ADGRL3: variants seen among roughly 807,000 people sequenced by gnomAD.
ADGRL3 encodes adhesion G protein-coupled receptor L3.
A neutral mutation model predicts 153.5 loss-of-function variants in ADGRL3; 62 were observed. The ratio of observed to expected loss-of-function variants is 0.40; its 90% CI spans 0.33 to 0.50. ADGRL3 has a LOEUF of 0.50. ADGRL3 is among the 20% of genes least tolerant of loss of function. The pLI is 0.47. For synonymous variants in ADGRL3, 710 were observed against 672.5 expected (o/e 1.06, Z -0.86); for missense variants, 1,641 against 1,859.4 (o/e 0.88, Z 2.16).
chr4:61,576,944 T>C (rs1313345006), intron 4 of ADGRL3, among the ~76,000 whole-genome samples: 4 of 151,848 alleles, frequency 2.6e-5, no homozygotes, highest in Admixed American at 2.6e-4. Flanking sequence ...TTGTAAAGCT[T>C]GTGGATAATG....
chr4:61,858,721 C>T (rs559231717), intron 9 of ADGRL3, among the ~76,000 whole-genome samples: 41 of 152,216 alleles, frequency 2.7e-4, no homozygotes, highest in African/African-American at 8.9e-4. Context: ...GTTTGTTTTT[C>T]GAACTATTAC....
intron 9 of ADGRL3, among the ~76,000 whole-genome samples, chr4:61,828,346 A>C (rs543386306): frequency 1.3e-5 from 2 of 152,302 alleles, no homozygotes; most frequent in African/African-American, 4.8e-5. Flanking sequence ...TACCAGATGG[A>C]AAATGTCTTA....
At chr4:61,219,287 T>C (rs950774267) in intron 1 of ADGRL3, among the ~76,000 whole-genome samples, 4 of 152,230 alleles carry the variant, frequency 2.6e-5, no homozygotes, top group African/African-American at 9.6e-5. Flanking sequence ...GTATAAGATA[T>C]GGTTGCAATT....
chr4:61,671,794 C>T (rs558021747), intron 5 of ADGRL3, among the ~76,000 whole-genome samples: 1 of 152,152 alleles, frequency 6.6e-6, no homozygotes, highest in South Asian at 2.1e-4. Context: ...CCAGAGTGAC[C>T]ATGAAATGTA....
At chr4:61,983,674 G>T in intron 19 of ADGRL3, 71 bp downstream of exon 19, 1 of 1,338,456 alleles carries the variant, frequency 7.5e-7, no homozygotes, top group Non-Finnish European at 1.1e-6. Flanking sequence ...GGAAGCAAAG[G>T]TCTTTATATT....
intron 9 of ADGRL3, among the ~76,000 whole-genome samples, chr4:61,865,592 T>C (rs2098392801): frequency 6.6e-6 from 1 of 152,220 alleles, no homozygotes; most frequent in Admixed American, 6.5e-5. Context: ...AAATTCAGTG[T>C]ACAGTTCCAG....
chr4:61,833,175 G>A (rs2097893036), intron 9 of ADGRL3, among the ~76,000 whole-genome samples: 4 of 152,082 alleles, frequency 2.6e-5, no homozygotes, highest in Non-Finnish European at 5.9e-5. Flanking sequence ...CGCTTTATAG[G>A]TGGTAGAAAA....
At chr4:61,742,083 A>G (rs2096587278) in intron 8 of ADGRL3, among the ~76,000 whole-genome samples, 1 of 152,144 alleles carries the variant, frequency 6.6e-6, no homozygotes, top group South Asian at 2.1e-4. Flanking sequence ...CACGTCTTTT[A>G]AGGGTTGGTA....
At chr4:61,291,468 A>G (rs961245557) in intron 1 of ADGRL3, among the ~76,000 whole-genome samples, 3 of 151,412 alleles carry the variant, frequency 2.0e-5, no homozygotes, top group African/African-American at 4.9e-5. Context: ...AGCTTTTTAT[A>G]TAAGGGAATT....
chr4:61,318,197 A>AG (rs1238646449), intron 1 of ADGRL3, among the ~76,000 whole-genome samples: 2 of 108,034 alleles, frequency 1.9e-5, no homozygotes, highest in Non-Finnish European at 3.8e-5. Context: ...CTGTCTCAAA[A>AG]AAAAAAAAAA....
rs574442196 is a variant in ADGRL3 at position 61,540,576 on chromosome 4, G to C, written c.259+23058G>C. On this transcript the variant is annotated intron_variant, in intron 4 of 26. Transcript: ENST00000683033. ...AAAAAAAGAAAAGAAAAGAAAAAAA[G>C]AAAAAAAAATACAATGGATTTTCTT... is the stretch of plus-strand genomic sequence containing the variant. Among the ~76,000 whole-genome samples the C allele has an allele frequency of 2.9e-4, 43 of 150,424 alleles. No individual in the cohort carries two copies. In the South Asian group the frequency reaches 8.9e-3, roughly 31 times the overall value.
intron 1 of ADGRL3, among the ~76,000 whole-genome samples, chr4:61,308,072 T>C (rs2094863731): frequency 6.6e-6 from 1 of 152,126 alleles, no homozygotes; most frequent in Non-Finnish European, 1.5e-5. Context: ...GCAATACTTG[T>C]CCTAGTTACT....
At chr4:61,287,390 T>C (rs2093978316) in intron 1 of ADGRL3, among the ~76,000 whole-genome samples, 1 of 151,970 alleles carries the variant, frequency 6.6e-6, no homozygotes, top group African/African-American at 2.4e-5. Flanking sequence ...TAATGCACTT[T>C]ACTTGTCTGG....
chr4:61,277,905 G>T (rs540098361), intron 1 of ADGRL3, among the ~76,000 whole-genome samples: 4 of 152,186 alleles, frequency 2.6e-5, no homozygotes, highest in Non-Finnish European at 5.9e-5. Flanking sequence ...CATATAGACA[G>T]ATTCTCAGAC....
intron 6 of ADGRL3, among the ~76,000 whole-genome samples, chr4:61,718,437 T>C (rs1450411912): frequency 6.6e-6 from 1 of 152,178 alleles, no homozygotes; most frequent in Non-Finnish European, 1.5e-5. Flanking sequence ...TACTTTCTAG[T>C]AAGTTAGCAG....
At chr4:61,763,413 T>C (rs549063480) in intron 8 of ADGRL3, among the ~76,000 whole-genome samples, 37 of 152,010 alleles carry the variant, frequency 2.4e-4, no homozygotes, top group Non-Finnish European at 5.0e-4. Flanking sequence ...CTCCATCTCC[T>C]GACCTCATGA....
At chr4:61,339,500 A>G (rs1405120436) in intron 1 of ADGRL3, among the ~76,000 whole-genome samples, 1 of 152,238 alleles carries the variant, frequency 6.6e-6, no homozygotes, top group East Asian at 1.9e-4. Context: ...TACTTGATCC[A>G]GGAATGGACT....
intron 9 of ADGRL3, among the ~76,000 whole-genome samples, chr4:61,847,767 A>G (rs2098139674): frequency 2.6e-5 from 1 of 38,284 alleles, no homozygotes; most frequent in South Asian, 6.6e-4. Flanking sequence ...AATACAAAAT[A>G]TATATATAAT....
intron 1 of ADGRL3, among the ~76,000 whole-genome samples, chr4:61,254,297 G>T (rs2091756752): frequency 6.6e-6 from 1 of 152,036 alleles, no homozygotes; most frequent in South Asian, 2.1e-4. Flanking sequence ...AAGCCTCATG[G>T]GTCAGGTAGG....
Sources: allele counts gnomAD v4.1 joint callset (sites outside exome capture counted in the v4.1 genomes callset), GRCh38; gene constraint gnomAD v4.1.1; transcripts MANE v1.5; gene names NCBI Gene and HGNC (gene_info 2026-07-23, HGNC 2026-07-21).